Variants in NMNAT2 observed in about 807,000 individuals in gnomAD.
The protein encoded by NMNAT2 is nicotinamide nucleotide adenylyltransferase 2, also known as nicotinamide/nicotinic acid mononucleotide adenylyltransferase 2.
A neutral mutation model predicts 41.6 loss-of-function variants in NMNAT2; 11 were observed. That is an observed-to-expected ratio of 0.26 (90% CI 0.17 to 0.44). NMNAT2 has a LOEUF of 0.44. NMNAT2 is among the 20% of genes least tolerant of loss of function. The pLI, the probability that NMNAT2 is intolerant of heterozygous loss-of-function variation, is 1.00. For synonymous variants in NMNAT2, 148 were observed against 151.2 expected, an observed-to-expected ratio of 0.98 and a Z score of 0.16; for missense variants, 288 against 407.7, an observed-to-expected ratio of 0.71 and a Z score of 2.53.
At chr1:183,275,810 C>T (rs535905020) in intron 8 of NMNAT2, among the ~76,000 whole-genome samples, 1 of 152,172 alleles carries the variant, frequency 6.6e-6, no homozygotes, top group South Asian at 2.1e-4. Context: ...GTAGCTGGGA[C>T]TACAGGAGCC....
At chr1:183,409,996 A>G (rs191523922) in intron 1 of NMNAT2, among the ~76,000 whole-genome samples, 1 of 152,234 alleles carries the variant, frequency 6.6e-6, no homozygotes, top group African/African-American at 2.4e-5. Flanking sequence ...ACAATGTACA[A>G]TGGTTCCATT....
intron 1 of NMNAT2, among the ~76,000 whole-genome samples, chr1:183,297,548 A>ACCTCC (rs1661735872): frequency 6.6e-6 from 1 of 151,972 alleles, no homozygotes; most frequent in East Asian, 1.9e-4. Flanking sequence ...ATCCCCGGCT[A>ACCTCC]ATTTTGTATT....
chr1:183,314,297 T>C (rs953210149), intron 1 of NMNAT2, among the ~76,000 whole-genome samples: 7 of 152,156 alleles, frequency 4.6e-5, no homozygotes, highest in African/African-American at 1.7e-4. Context: ...TCCTTCTGTC[T>C]CAAATGCTCT....
chr1:183,384,718 C>T (rs2022013), intron 1 of NMNAT2, among the ~76,000 whole-genome samples: 77,886 of 152,046 alleles, frequency 0.51, 21,188 homozygotes, highest in East Asian at 0.65. Context: ...TACTCAAAGA[C>T]GTCTCTCATT....
At chr1:183,329,155 A>G (rs1000663098) in intron 1 of NMNAT2, among the ~76,000 whole-genome samples, 6 of 152,112 alleles carry the variant, frequency 3.9e-5, no homozygotes, top group African/African-American at 1.4e-4. Context: ...GGGGTTCATG[A>G]TTTCTATCCC....
chr1:183,253,570 C>A (rs1660445307), intron 10 of NMNAT2, among the ~76,000 whole-genome samples: 1 of 152,022 alleles, frequency 6.6e-6, no homozygotes, highest in African/African-American at 2.4e-5. Flanking sequence ...TATCCTTTGA[C>A]CTGTATCTCA....
chr1:183,297,870 G>A (rs1253577992), intron 1 of NMNAT2, among the ~76,000 whole-genome samples: 1 of 152,168 alleles, frequency 6.6e-6, no homozygotes, highest in African/African-American at 2.4e-5. Flanking sequence ...TGACTAAGTG[G>A]TGTATATTCC....
chr1:183,262,172 C>T (rs940259957), intron 8 of NMNAT2, among the ~76,000 whole-genome samples: 7 of 152,124 alleles, frequency 4.6e-5, no homozygotes, highest in South Asian at 2.1e-4. Context: ...CCCAAGTGAT[C>T]ATCCCACCTC....
intron 1 of NMNAT2, among the ~76,000 whole-genome samples, chr1:183,412,735 G>A (rs1259223915): frequency 6.6e-6 from 1 of 152,176 alleles, no homozygotes; most frequent in African/African-American, 2.4e-5. Flanking sequence ...GTCCAAAACA[G>A]GGAATAATTA....
At chr1:183,286,819 A>G (rs1246726191) in intron 4 of NMNAT2, 31 bp from the exon 5 acceptor site, 2 of 1,593,414 alleles carry the variant, frequency 1.3e-6, no homozygotes, top group African/African-American at 2.7e-5. Flanking sequence ...GTTATTAGTC[A>G]TGTGACTTTG....
chr1:183,368,212 C>G lies in NMNAT2; in HGVS notation c.85+49971G>C, dbSNP rs138469081. ...AAACCTGGTCTTTCACCACAGAGAG[C>G]TTGAGAAGCACTAGAACAGACAGCA... On this transcript the variant is annotated intron_variant, in intron 1 of 10. Coordinates refer to ENST00000287713, the MANE Select transcript of NMNAT2 (RefSeq NM_015039.4). Among the ~76,000 whole-genome samples, 29 of 152,252 alleles carry G rather than the reference C, an allele frequency of 1.9e-4. No homozygotes were observed. The East Asian group carries it at 5.2e-3, about 27-fold the overall frequency.
chr1:183,271,462 C>T (rs929100385), intron 8 of NMNAT2, among the ~76,000 whole-genome samples: 2 of 152,284 alleles, frequency 1.3e-5, no homozygotes, highest in Non-Finnish European at 1.5e-5. Context: ...GCAAAGTGCA[C>T]GGTCAGGTAC....
chr1:183,384,410 T>G (rs935312046), intron 1 of NMNAT2, among the ~76,000 whole-genome samples: 2 of 152,102 alleles, frequency 1.3e-5, no homozygotes, highest in Non-Finnish European at 2.9e-5. Flanking sequence ...ATGTTGGCCA[T>G]GCTCGTCTCA....
intron 7 of NMNAT2, among the ~76,000 whole-genome samples, chr1:183,281,404 T>C (rs1233136699): frequency 1.3e-5 from 2 of 152,192 alleles, no homozygotes; most frequent in Non-Finnish European, 2.9e-5. Context: ...CCAACACATC[T>C]GTTCCCAAAT....
chr1:183,362,610 C>T (rs1663329585), intron 1 of NMNAT2, among the ~76,000 whole-genome samples: 1 of 152,226 alleles, frequency 6.6e-6, no homozygotes, highest in African/African-American at 2.4e-5. Context: ...ACACTATCCT[C>T]ATTTTTATGG....
intron 2 of NMNAT2, among the ~76,000 whole-genome samples, chr1:183,293,219 A>C (rs1479235068): frequency 6.6e-6 from 1 of 152,206 alleles, no homozygotes; most frequent in African/African-American, 2.4e-5. Flanking sequence ...ACCAAGGTGC[A>C]TCTGTGGGAG....
At chr1:183,406,138 T>C (rs770534760) in intron 1 of NMNAT2, among the ~76,000 whole-genome samples, 26 of 152,188 alleles carry the variant, frequency 1.7e-4, no homozygotes, top group Non-Finnish European at 3.4e-4. Flanking sequence ...AGTTCAATGA[T>C]AGATAAGACA....
intron 3 of NMNAT2, among the ~76,000 whole-genome samples, chr1:183,292,566 C>T (rs1051886979): frequency 2.6e-5 from 4 of 152,216 alleles, no homozygotes; most frequent in African/African-American, 9.7e-5. Flanking sequence ...GCAGATGAAA[C>T]ATTCAAGCAC....
At position 183,375,679 on chromosome 1, in the gene NMNAT2, C is replaced by A. The variant is rs181498626; in HGVS notation, c.85+42504G>T. On this transcript the variant is annotated intron_variant, in intron 1 of 10. Transcript: ENST00000287713. ...CTTGACCACCATGCTCTTTCCAATC[C>A]CTCCATTAGTTTCTTATACCTTGGT... Among the ~76,000 whole-genome samples the A allele has an allele frequency of 3.0e-3, 456 of 152,300 alleles. 5 individuals are homozygous for A. The highest frequency in any genetic ancestry group is 1.0e-2 in the African/African-American group (414 of 41,558).
Sources: gnomAD v4.1 joint callset for allele counts (sites outside exome capture counted in the v4.1 genomes callset) on GRCh38, gnomAD v4.1.1 for gene constraint, MANE v1.5 for transcripts, NCBI Gene and HGNC (gene_info 2026-07-23, HGNC 2026-07-21) for gene names.